Variants in HSPG2 observed in about 807,000 individuals in gnomAD.
HSPG2 encodes heparan sulfate proteoglycan 2, also known as basement membrane-specific heparan sulfate proteoglycan core protein.
A neutral mutation model predicts 526.6 loss-of-function variants in HSPG2; 278 were observed. The ratio of observed to expected loss-of-function variants is 0.53; its 90% CI spans 0.48 to 0.58. The LOEUF (loss-of-function observed/expected upper bound fraction) is 0.58, where lower values mean the gene tolerates loss of function less well. Among genes scored for constraint, HSPG2 ranks in the 20% least tolerant of loss-of-function variants. The pLI is 0.00. For missense variants in HSPG2, 5,354 were observed against 6,099.5 expected, an observed-to-expected ratio of 0.88 and a Z score of 4.07; for synonymous variants, 2,465 against 2,555.4, an observed-to-expected ratio of 0.96 and a Z score of 1.07.
At chr1:21,888,216 T>A in intron 6 of HSPG2, 150 bp from the exon 7 acceptor site, 1 of 990,398 alleles carries the variant, frequency 1.0e-6, no homozygotes, top group Non-Finnish European at 1.5e-6. Flanking sequence ...CAGCACACAC[T>A]AGACACATCC....
intron 33 of HSPG2, chr1:21,869,598 T>C: frequency 1.0e-6 from 1 of 985,836 alleles, no homozygotes; most frequent in Non-Finnish European, 1.2e-6. Flanking sequence ...GGGGTTGGGG[T>C]TGGGCAGCAA....
chr1:21,837,022 T>C lies in HSPG2; in HGVS notation c.10151-16A>G, dbSNP rs1221519332. ...CCGGGAGGGCCTGCGGGGACATGTA[T>C]GAGGTTCTGCAGGTATATGTGTGTG... On this transcript the variant is annotated splice_polypyrimidine_tract_variant and intron_variant, in intron 74 of 96. Transcript: ENST00000374695. The C allele has an allele frequency of 1.0e-5, 16 of 1,543,906 alleles. No individual in the cohort carries two copies. The highest frequency in any genetic ancestry group is 1.4e-5 in the Non-Finnish European group (16 of 1,146,542).
At chr1:21,879,855 G>A (rs1201696534) in intron 17 of HSPG2, among the ~76,000 whole-genome samples, 1 of 152,222 alleles carries the variant, frequency 6.6e-6, no homozygotes, top group Non-Finnish European at 1.5e-5. Context: ...GTTTCACCAT[G>A]TTGGCCAGGC....
At chr1:21,914,252 T>C (rs2152790980) in intron 1 of HSPG2, among the ~76,000 whole-genome samples, 1 of 151,962 alleles carries the variant, frequency 6.6e-6, no homozygotes, top group South Asian at 2.1e-4. Flanking sequence ...TACAGCAGGG[T>C]GAGGGGACGG....
chr1:21,934,422 C>T lies in HSPG2; in HGVS notation c.63+2733G>A, dbSNP rs1644427628. 2.0e-5 allele frequency among the ~76,000 whole-genome samples: 3 copies of T among 152,194 alleles called. No individual in the cohort carries two copies. The South Asian group carries it at 6.2e-4, about 32-fold the overall frequency. ...AAGGCTCAGAGAGAGGAACTCGCCC[C>T]AGATCACACAGCCAGAAACCGCAGC... is the stretch of plus-strand genomic sequence containing the variant. On this transcript the variant is annotated intron_variant, in intron 1 of 96. Transcript: ENST00000374695.
chr1:21,849,201 A>T (rs1176847999), intron 57 of HSPG2, among the ~76,000 whole-genome samples, 170 bp from the exon 58 acceptor site: 1 of 152,200 alleles, frequency 6.6e-6, no homozygotes, highest in Non-Finnish European at 1.5e-5. Flanking sequence ...CAGTGTCAGG[A>T]CTGGGTCTAG....
chr1:21,881,502 C>T lies in HSPG2; in HGVS notation c.1655G>A (p.Gly552Asp). ...LRFDQPDDFK[G>D]VNVTMPAQPG... ...CTGCGCAGGCATTGTCACATTCACACCTGTGGGTGGCAAGGGGGAGGCTGA... is the reference window on the plus strand; with the variant it reads ...CTGCGCAGGCATTGTCACATTCACATCTGTGGGTGGCAAGGGGGAGGCTGA... Residue 552 changes from glycine to aspartate, a missense_variant and splice_region_variant, in exon 14 of 97, where the codon GGT (glycine) becomes GAT (aspartate). Transcript: ENST00000374695. The T allele has an allele frequency of 1.9e-6, 3 of 1,609,570 alleles. No homozygotes were observed. The South Asian group carries it at 3.3e-5, about 18-fold the overall frequency.
intron 1 of HSPG2, among the ~76,000 whole-genome samples, chr1:21,905,708 C>A (rs898925355): frequency 1.3e-5 from 2 of 152,180 alleles, no homozygotes; most frequent in Non-Finnish European, 2.9e-5. Flanking sequence ...TGCCATTGCA[C>A]TCCAGCCTGG....
chr1:21,847,524 G>A lies in HSPG2; in HGVS notation c.8026-32C>T. On this transcript the variant is annotated intron_variant, in intron 61 of 96. Coordinates refer to ENST00000374695, the MANE Select transcript of HSPG2 (RefSeq NM_005529.7). This position sits in a 1 kb window ranked among gnomAD's most constrained non-coding sequence, Gnocchi z 4.1. Reference sequence around the variant, plus strand: ...GTGCGGATGGGGAAGGAGAGGGAGAGGGAGTGGAGGGACGCTGGGGTCACC... The same window carrying A: ...GTGCGGATGGGGAAGGAGAGGGAGAAGGAGTGGAGGGACGCTGGGGTCACC... The A allele has an allele frequency of 6.2e-7, 1 of 1,613,256 alleles. No individual in the cohort carries two copies. The highest frequency in any genetic ancestry group is 8.5e-7 in the Non-Finnish European group (1 of 1,179,794).
Position 21,823,005 on chromosome 1 carries a change from G to A in HSPG2, c.*311C>T. 3.7e-6 allele frequency: 1 copy of A among 270,854 alleles called. No homozygotes were observed. Among genetic ancestry groups the A allele is most frequent in the Non-Finnish European group, 6.9e-6 (1 of 144,420 alleles). 16.8% of individuals were successfully genotyped at this position (270,854 alleles called of 1,614,324 possible). A position where few individuals can be genotyped will look rare whatever the true frequency, so the allele number is the denominator to read the frequency against. On this transcript the variant is annotated 3_prime_UTR_variant, in exon 97 of 97. Coordinates refer to ENST00000374695, the MANE Select transcript of HSPG2 (RefSeq NM_005529.7). ...ACAGGCCACCCAGCTCTATCTGGGG[G>A]CTCCATCGGTGGGTAGGGGGACAGT...
At chr1:21,852,518 C>T (rs774500435) in intron 52 of HSPG2, among the ~76,000 whole-genome samples, 182 bp downstream of exon 52, 1 of 152,172 alleles carries the variant, frequency 6.6e-6, no homozygotes, top group Non-Finnish European at 1.5e-5. Context: ...GTCATGTGGC[C>T]AAAGCAAAGT....
chr1:21,887,405 C>T lies in HSPG2; in HGVS notation c.958+15G>A, dbSNP rs2152762600. 1.2e-6 allele frequency: 2 copies of T among 1,613,976 alleles called. No individual in the cohort carries two copies. The highest frequency in any genetic ancestry group is 1.7e-6 in the Non-Finnish European group (2 of 1,179,952). On this transcript the variant is annotated intron_variant, in intron 8 of 96. Coordinates refer to ENST00000374695, the MANE Select transcript of HSPG2 (RefSeq NM_005529.7). The surrounding 1 kb of genome is among the most constrained non-coding windows in gnomAD (Gnocchi z 5.0). ...CCTGCTCCCCGCACCCACCTGCACC[C>T]CTGCCGGTGCGCACCACAGTCTAGC...
At position 21,851,665 on chromosome 1, in the gene HSPG2, G is replaced by C; in HGVS notation, c.7039C>G (p.Pro2347Ala). The C allele has an allele frequency of 6.2e-7, 1 of 1,613,944 alleles. No individual in the cohort carries two copies. The highest frequency in any genetic ancestry group is 8.5e-7 in the Non-Finnish European group (1 of 1,180,002). The change falls in exon 55 of 97, where the codon CCC becomes GCC. Residue 2347 changes from proline (P) to alanine (A), a missense_variant. Transcript: ENST00000374695. ...CCTTCCGCCACTTGCGAGGAGGAGG[G>C]CTCGATGCGGATGGGCTGGGTGCTG... ...AGSTQPIRIE[P>A]SSSQVAEGQT... is the part of the protein sequence containing the mutation.
Position 21,862,913 on chromosome 1 carries a change from C to T in HSPG2, c.4741-798G>A, listed in dbSNP as rs1247948523. On this transcript the variant is annotated intron_variant, in intron 37 of 96. Coordinates refer to ENST00000374695, the MANE Select transcript of HSPG2 (RefSeq NM_005529.7). ...CATCTCTACTAAAAATACAAAAATT[C>T]GCCAGGCATGGTGGCAGGTGCCTGT... Among the ~76,000 whole-genome samples, 4 of 151,028 alleles carry T rather than the reference C, an allele frequency of 2.6e-5. No individual in the cohort carries two copies. The East Asian group carries it at 5.9e-4, about 22-fold the overall frequency.
chr1:21,849,099 C>G, intron 57 of HSPG2, 68 bp from the exon 58 acceptor site: 1 of 1,568,630 alleles, frequency 6.4e-7, no homozygotes, highest in Non-Finnish European at 8.7e-7. Flanking sequence ...AGCTCCTGTT[C>G]CCTTCCCTGG....
chr1:21,867,945 G>T (rs572282258), intron 33 of HSPG2, among the ~76,000 whole-genome samples: 80 of 152,174 alleles, frequency 5.3e-4, no homozygotes, highest in Non-Finnish European at 8.5e-4. Flanking sequence ...GGCCAGGCTG[G>T]TCTCAAACTC....
intron 1 of HSPG2, among the ~76,000 whole-genome samples, chr1:21,916,343 T>C (rs1288982109): frequency 6.6e-6 from 1 of 151,600 alleles, no homozygotes; most frequent in African/African-American, 2.4e-5. Flanking sequence ...CTATTAGTAA[T>C]ACAAAAACAC....
Position 21,844,287 on chromosome 1 carries a change from G to T in HSPG2, c.8477C>A (p.Ala2826Asp), listed in dbSNP as rs141477263. 1.2e-6 allele frequency: 2 copies of T among 1,612,820 alleles called. No individual in the cohort carries two copies. Among genetic ancestry groups the T allele is most frequent in the Middle Eastern group, 1.7e-4 (1 of 6,034 alleles). The stretch of plus-strand genomic sequence containing the variant: ...GGAGGGCTCGATGCGGATGGGTGGG[G>T]CTCCACCTGGGGCTGGGGCACAGGG... Reference protein sequence around the residue: ...SAVHVPAPGGAPPIRIEPSSS... With the variant: ...SAVHVPAPGGDPPIRIEPSSS... The change falls in exon 65 of 97, where the codon GCC becomes GAC. Residue 2826 changes from alanine to aspartate, a missense_variant. Ala to Asp is a moderately radical substitution (Grantham distance 126). Transcript: ENST00000374695.
chr1:21,832,340 A>G (rs913867409), intron 81 of HSPG2, among the ~76,000 whole-genome samples, 155 bp downstream of exon 81: 4 of 152,196 alleles, frequency 2.6e-5, no homozygotes, highest in African/African-American at 9.6e-5. Flanking sequence ...CTGGCATACT[A>G]TTCCTACTCT....
Sources: gnomAD v4.1 joint callset for allele counts (sites outside exome capture counted in the v4.1 genomes callset) on GRCh38, gnomAD v4.1.1 for gene constraint, Gnocchi (gnomAD v3.1) non-coding constraint, MANE v1.5 for transcripts, NCBI Gene and HGNC (gene_info 2026-07-23, HGNC 2026-07-21) for gene names.